GALNT17: variants seen among roughly 807,000 people sequenced by gnomAD.
GALNT17 encodes the protein UDP-GalNAc:polypeptide N-acetylgalactosaminyltransferase-like 3.
A neutral mutation model predicts 63.7 loss-of-function variants in GALNT17; 29 were observed. The ratio of observed to expected loss-of-function variants is 0.46; its 90% CI spans 0.34 to 0.62. The LOEUF (loss-of-function observed/expected upper bound fraction) is 0.62. GALNT17 is among the 20% of genes least tolerant of loss of function. The probability of loss-of-function intolerance (pLI) is 0.01; values close to 1 mark genes in which losing one functional copy is unlikely to be tolerated. For missense variants in GALNT17, 603 were observed against 799.6 expected, an observed-to-expected ratio of 0.75 and a Z score of 2.97; for synonymous variants, 305 against 318.3, an observed-to-expected ratio of 0.96 and a Z score of 0.45.
chr7:71,584,460 T>C (rs1310568897), intron 6 of GALNT17, among the ~76,000 whole-genome samples: 1 of 152,196 alleles, frequency 6.6e-6, no homozygotes. Flanking sequence ...GCTCATTGAC[T>C]TTTTAAAAAC....
chr7:71,155,114 A>G (rs1338960211), intron 1 of GALNT17, among the ~76,000 whole-genome samples: 2 of 151,766 alleles, frequency 1.3e-5, no homozygotes, highest in Non-Finnish European at 2.9e-5. Context: ...TTATTTGGAA[A>G]TGCAAGAGTG....
At chr7:71,615,613 A>G (rs76957594) in intron 6 of GALNT17, among the ~76,000 whole-genome samples, 229 of 151,360 alleles carry the variant, frequency 1.5e-3, no homozygotes, top group African/African-American at 5.3e-3. Flanking sequence ...AGTAGTTGGG[A>G]CTACAGGCAC....
rs893597002 is a variant in GALNT17 at position 71,392,354 on chromosome 7, G to T, written c.589+3953G>T. ...TTCACTGGGGAAATTCCAAGAGCCAGTGTAAACTCAGACCTCAGAGTTAAC... is the reference window on the plus strand; with the variant it reads ...TTCACTGGGGAAATTCCAAGAGCCATTGTAAACTCAGACCTCAGAGTTAAC... On this transcript the variant is annotated intron_variant, in intron 3 of 10. Transcript: ENST00000333538. Among the ~76,000 whole-genome samples, 59 of 152,148 alleles carry T rather than the reference G, an allele frequency of 3.9e-4. 1 individual carries two copies. The highest frequency in any genetic ancestry group is 2.6e-4 in the Non-Finnish European group (18 of 68,036).
At chr7:71,148,860 T>TATA (rs1554333242) in intron 1 of GALNT17, among the ~76,000 whole-genome samples, 1,564 of 102,956 alleles carry the variant, frequency 0.015, 17 homozygotes, top group Middle Eastern at 0.03. Context: ...TATGGTATTT[T>TATA]TATATATATA....
intron 1 of GALNT17, among the ~76,000 whole-genome samples, chr7:71,308,415 A>T (rs187787740): frequency 4.6e-5 from 7 of 152,270 alleles, no homozygotes; most frequent in African/African-American, 9.6e-5. Flanking sequence ...ATTGGGGCTG[A>T]TGTCACAGGA....
At chr7:71,690,958 A>G (rs1338043280) in intron 9 of GALNT17, among the ~76,000 whole-genome samples, 1 of 152,218 alleles carries the variant, frequency 6.6e-6, no homozygotes, top group Non-Finnish European at 1.5e-5. Flanking sequence ...AAATGACACA[A>G]GAGAATATTT....
chr7:71,361,798 GAGAGAGAGAC>G (rs1792406398), intron 2 of GALNT17, among the ~76,000 whole-genome samples: 1 of 152,130 alleles, frequency 6.6e-6, no homozygotes, highest in African/African-American at 2.4e-5. Flanking sequence ...GAGAGAGAGA[GAGAGAGAGAC>G]AGAGAGAGAG....
chr7:71,607,482 GAT>G (rs1790063744), intron 6 of GALNT17, among the ~76,000 whole-genome samples: 1 of 152,108 alleles, frequency 6.6e-6, no homozygotes, highest in African/African-American at 2.4e-5. Context: ...TTCTCAATAA[GAT>G]AGAGGAGGGC....
intron 6 of GALNT17, among the ~76,000 whole-genome samples, chr7:71,577,963 C>A (rs1789565033): frequency 6.6e-6 from 1 of 152,110 alleles, no homozygotes; most frequent in Non-Finnish European, 1.5e-5. Context: ...ATCACATCAG[C>A]AGTGGGTTTT....
intron 1 of GALNT17, among the ~76,000 whole-genome samples, chr7:71,160,756 G>A (rs1788328008): frequency 6.6e-6 from 1 of 152,194 alleles, no homozygotes; most frequent in Non-Finnish European, 1.5e-5. Flanking sequence ...ACCGCGCACG[G>A]CCACGAACAT....
intron 1 of GALNT17, among the ~76,000 whole-genome samples, chr7:71,275,292 G>A (rs1790662945): frequency 2.0e-5 from 3 of 152,182 alleles, no homozygotes; most frequent in Non-Finnish European, 4.4e-5. Flanking sequence ...TTCCCAAGAT[G>A]TAGTGACTCA....
chr7:71,279,872 T>G (rs758496635), intron 1 of GALNT17, among the ~76,000 whole-genome samples: 1 of 151,722 alleles, frequency 6.6e-6, no homozygotes, highest in Non-Finnish European at 1.5e-5. Flanking sequence ...GCATGTAAAC[T>G]TTCTTGATGG....
intron 5 of GALNT17, among the ~76,000 whole-genome samples, chr7:71,539,647 T>C (rs1240466152): frequency 6.6e-6 from 1 of 151,478 alleles, no homozygotes; most frequent in African/African-American, 2.4e-5. Context: ...ACTTGTTTTT[T>C]TCACTAAATG....
chr7:71,405,023 G>C (rs1793304237), intron 3 of GALNT17, among the ~76,000 whole-genome samples: 1 of 152,132 alleles, frequency 6.6e-6, no homozygotes, highest in Non-Finnish European at 1.5e-5. Flanking sequence ...TCATCATACT[G>C]GTGCTTTGCA....
At chr7:71,407,038 G>A (rs1793340543) in intron 3 of GALNT17, among the ~76,000 whole-genome samples, 1 of 152,118 alleles carries the variant, frequency 6.6e-6, no homozygotes, top group Non-Finnish European at 1.5e-5. Context: ...TTTTCACTGT[G>A]ATCTCTGTCA....
At chr7:71,315,036 A>G (rs1791476384) in intron 1 of GALNT17, among the ~76,000 whole-genome samples, 1 of 152,160 alleles carries the variant, frequency 6.6e-6, no homozygotes, top group African/African-American at 2.4e-5. Flanking sequence ...TCACTCCTCA[A>G]TCCACCCCTG....
chr7:71,209,044 G>A (rs1257621835), intron 1 of GALNT17, among the ~76,000 whole-genome samples: 1 of 152,206 alleles, frequency 6.6e-6, no homozygotes, highest in Non-Finnish European at 1.5e-5. Flanking sequence ...CCACTGCAGC[G>A]TGAAAGCAGG....
At chr7:71,682,825 C>G (rs1791288226) in intron 9 of GALNT17, among the ~76,000 whole-genome samples, 1 of 152,126 alleles carries the variant, frequency 6.6e-6, no homozygotes, top group Admixed American at 6.6e-5. Flanking sequence ...ACCTCCGCCT[C>G]CCAAAGTGCT....
intron 1 of GALNT17, among the ~76,000 whole-genome samples, chr7:71,203,870 G>T (rs1789220660): frequency 1.3e-5 from 2 of 152,172 alleles, no homozygotes; most frequent in Non-Finnish European, 2.9e-5. Flanking sequence ...TCCATGGGTT[G>T]TCTCTTCACT....
Sources: gnomAD v4.1 joint callset for allele counts (sites outside exome capture counted in the v4.1 genomes callset) on GRCh38, gnomAD v4.1.1 for gene constraint, MANE v1.5 for transcripts, NCBI Gene and HGNC (gene_info 2026-07-23, HGNC 2026-07-21) for gene names.